The following POLR2F variants were observed in gnomAD, a reference collection of about 807,000 sequenced individuals.
POLR2F encodes RNA polymerase II, I and III subunit F.
A neutral mutation model predicts 22.7 loss-of-function variants in POLR2F; 12 were observed. The observed-to-expected ratio is 0.53, with a 90% CI of 0.34 to 0.86. The LOEUF (loss-of-function observed/expected upper bound fraction) is 0.86, where lower values mean the gene tolerates loss of function less well. Among genes scored for constraint, POLR2F ranks in the 40% least tolerant of loss-of-function variants. The pLI is 0.02. For synonymous variants in POLR2F, 57 were observed against 66.0 expected, an observed-to-expected ratio of 0.86 and a Z score of 0.66; for missense variants, 126 against 171.5, an observed-to-expected ratio of 0.73 and a Z score of 1.48.
intron 1 of POLR2F, among the ~76,000 whole-genome samples, chr22:37,993,807 A>G (rs1932760947): frequency 1.3e-5 from 2 of 152,204 alleles, no homozygotes; most frequent in South Asian, 2.1e-4. Flanking sequence ...GGCTAACATG[A>G]TGAAACCCCG....
intron 5 of POLR2F, chr22:38,040,944 G>T: frequency 6.6e-7 from 1 of 1,504,278 alleles, no homozygotes. Context: ...AGCCAGAGGA[G>T]AGAGAATAAT....
intron 1 of POLR2F, among the ~76,000 whole-genome samples, chr22:38,000,930 G>A (rs1300657869): frequency 4.6e-5 from 7 of 152,166 alleles, no homozygotes; most frequent in Non-Finnish European, 7.3e-5. Context: ...AGGAACTCAG[G>A]AAGTGTTTAT....
At chr22:38,023,973 C>G (rs778274470) in intron 1 of POLR2F, among the ~76,000 whole-genome samples, 1 of 151,856 alleles carries the variant, frequency 6.6e-6, no homozygotes. Context: ...TCCCGAGTAG[C>G]TGGAATTATA....
In POLR2F at chr22:37,978,262, G is replaced by T; in HGVS notation, c.293+11092G>T. 3 of 1,020,176 alleles carry T rather than the reference G, an allele frequency of 2.9e-6. No individual in the cohort carries two copies. The highest frequency in any genetic ancestry group is 4.1e-6 in the Non-Finnish European group (3 of 722,978). The allele number at this position is 1,020,176 out of a possible 1,614,324, so 63.2% of individuals were successfully genotyped here. On this transcript the variant is annotated intron_variant, in intron 4 of 4. Coordinates refer to the POLR2F transcript ENST00000405557. This position sits in a 1 kb window ranked among gnomAD's most constrained non-coding sequence, Gnocchi z 5.0. ...AGGCCCTGGGATGGGGCACCCAGAGGACAGGACCCGGGGTGGGGGCTGTGC... is the reference window on the plus strand; with the variant it reads ...AGGCCCTGGGATGGGGCACCCAGAGTACAGGACCCGGGGTGGGGGCTGTGC...
intron 1 of POLR2F, among the ~76,000 whole-genome samples, chr22:38,012,113 G>A (rs1422656716): frequency 1.5e-5 from 2 of 132,604 alleles, no homozygotes; most frequent in Non-Finnish European, 3.1e-5. Context: ...ACAGAGTCTT[G>A]CTCTGTCGCC....
chr22:37,956,740 G>T, intron 1 of POLR2F, 33 bp from the exon 2 acceptor site: 1 of 1,567,994 alleles, frequency 6.4e-7, no homozygotes, highest in East Asian at 2.2e-5. Context: ...TTTAAGTGAT[G>T]CTCTAAGTAA....
intron 3 of POLR2F, among the ~76,000 whole-genome samples, chr22:37,962,286 A>G (rs1179358369): frequency 6.6e-6 from 1 of 151,716 alleles, no homozygotes; most frequent in Non-Finnish European, 1.5e-5. Context: ...AGATTTGTGG[A>G]CTCTGTGTGC....
intron 1 of POLR2F, among the ~76,000 whole-genome samples, chr22:37,998,658 C>A (rs2084739913): frequency 6.6e-6 from 1 of 152,128 alleles, no homozygotes; most frequent in South Asian, 2.1e-4. Flanking sequence ...GTGCAGAGGA[C>A]CGGCCAGGAG....
chr22:38,025,492 ACACT>A, intron 1 of POLR2F: 1 of 1,415,162 alleles, frequency 7.1e-7, no homozygotes, highest in Non-Finnish European at 9.3e-7. Flanking sequence ...ACACACATTC[ACACT>A]CACAGTCCCA....
At chr22:37,993,710 C>T (rs1932760188) in intron 1 of POLR2F, among the ~76,000 whole-genome samples, 1 of 152,136 alleles carries the variant, frequency 6.6e-6, no homozygotes, top group Non-Finnish European at 1.5e-5. Context: ...ATAAAAAGGG[C>T]CGGGCACAGT....
intron 1 of POLR2F, among the ~76,000 whole-genome samples, chr22:38,021,172 G>A (rs922665061): frequency 1.3e-5 from 2 of 152,192 alleles, no homozygotes; most frequent in African/African-American, 4.8e-5. Context: ...GCTGGGGAAG[G>A]CACCAGGAAA....
intron 1 of POLR2F, among the ~76,000 whole-genome samples, chr22:38,011,144 C>G (rs1055581329): frequency 6.6e-6 from 1 of 152,152 alleles, no homozygotes; most frequent in Non-Finnish European, 1.5e-5. Flanking sequence ...TTTTGTTACT[C>G]AGGCTGGAGT....
intron 3 of POLR2F, among the ~76,000 whole-genome samples, chr22:37,965,235 G>C (rs1200257846): frequency 1.3e-5 from 2 of 152,126 alleles, no homozygotes; most frequent in Non-Finnish European, 2.9e-5. Flanking sequence ...TCAAACTCCT[G>C]ACCTCAGGTG....
At chr22:37,970,219 G>A (rs6000964), downstream of POLR2F, among the ~76,000 whole-genome samples, 55 of 149,970 alleles carry the variant, frequency 3.7e-4, no homozygotes, top group African/African-American at 8.1e-4. Flanking sequence ...GCGTGAACCC[G>A]GGAGGCGGAG....
At chr22:38,025,911 G>A in exon 2 of POLR2F, 1 of 746,622 alleles carries the variant, frequency 1.3e-6, no homozygotes, top group South Asian at 1.4e-5. Context: ...TACATGGGAT[G>A]GACTCAGGAG....
chr22:37,972,364 G>A (rs1017319497), downstream of POLR2F: 40 of 565,628 alleles, frequency 7.1e-5, 1 homozygote, highest in Middle Eastern at 9.4e-4. Flanking sequence ...GAGTTAATAG[G>A]GGCTAGAGTG....
downstream of POLR2F, chr22:38,041,236 C>T: frequency 2.9e-6 from 4 of 1,398,502 alleles, no homozygotes; most frequent in Non-Finnish European, 3.9e-6. Context: ...GACTGATGGA[C>T]CAGATGGCGG....
At chr22:37,963,790 G>A (rs1045228021) in intron 3 of POLR2F, among the ~76,000 whole-genome samples, 1 of 152,176 alleles carries the variant, frequency 6.6e-6, no homozygotes, top group Non-Finnish European at 1.5e-5. Context: ...GCACTTGATA[G>A]GATGCTGAGA....
At chr22:37,983,578 G>A (rs199963686), upstream of POLR2F, 25 of 1,610,212 alleles carry the variant, frequency 1.6e-5, no homozygotes, top group East Asian at 4.9e-4. This position sits in a 1 kb window ranked among gnomAD's most constrained non-coding sequence, Gnocchi z 9.5. Context: ...GGATGCACAC[G>A]GGGAACTTGT....
Sources: gnomAD v4.1 joint callset for allele counts (sites outside exome capture counted in the v4.1 genomes callset) on GRCh38, gnomAD v4.1.1 for gene constraint, Gnocchi (gnomAD v3.1) non-coding constraint, MANE v1.5 for transcripts, NCBI Gene and HGNC (gene_info 2026-07-23, HGNC 2026-07-21) for gene names.